The following KLHL25 variants were observed in gnomAD, a reference collection of about 807,000 sequenced individuals.
The protein encoded by KLHL25 is kelch like family member 25.
KLHL25 carries 41 observed loss-of-function variants against 30.0 expected under a neutral mutation model. The observed-to-expected ratio is 1.37, with a 90% CI of 1.07 to 1.78. KLHL25 has a LOEUF of 1.78. Ranked by LOEUF, KLHL25 falls within the 40% of genes most tolerant of loss-of-function variation. The pLI is 0.00. For synonymous variants in KLHL25, 399 were observed against 355.3 expected (o/e 1.12, Z -1.38); for missense variants, 971 against 824.5 (o/e 1.18, Z -2.18).
chr15:85,769,447 CCAG>C lies in KLHL25; in HGVS notation c.361_363del (p.Leu121del). ...TGGAACTGCAGCATGTCGCCTGCCT[CCAG>C]CAGTGACTCAGCGTTCTCCTCGTTG... On this transcript the variant is annotated inframe_deletion, in exon 2 of 3. Transcript: ENST00000337975. The C allele has an allele frequency of 1.2e-6, 2 of 1,614,118 alleles. No individual in the cohort carries two copies. The highest frequency in any genetic ancestry group is 1.7e-6 in the Non-Finnish European group (2 of 1,180,018).
intron 1 of KLHL25, among the ~76,000 whole-genome samples, chr15:85,783,838 A>G (rs1413798659): frequency 1.3e-5 from 2 of 152,224 alleles, no homozygotes; most frequent in Non-Finnish European, 2.9e-5. Context: ...AGATGCTAAG[A>G]GTCCCTGGTT....
At position 85,768,492 on chromosome 15, in the gene KLHL25, A is replaced by G. The variant is rs751933815; in HGVS notation, c.1319T>C (p.Val440Ala). 1 of 1,613,494 alleles carries G rather than the reference A, an allele frequency of 6.2e-7. No homozygotes were observed. The highest frequency in any genetic ancestry group is 8.5e-7 in the Non-Finnish European group (1 of 1,179,946). The change falls in exon 2 of 3, where the codon GTG becomes GCG. Residue 440 changes from valine to alanine, a missense_variant. Physicochemically the swap from Val to Ala is moderately conservative, Grantham distance 64. Coordinates refer to ENST00000337975, the MANE Select transcript of KLHL25 (RefSeq NM_022480.4). ...AACAAAGAGCTTCAGCTTGGCACTC[A>G]CCACTGCGGCATTGCTGACGCCATC... ...LRDGVSNAAV[V>A]SAKLKLFVFG...
chr15:85,784,891 G>A (rs1490411866), intron 1 of KLHL25, among the ~76,000 whole-genome samples: 2 of 152,136 alleles, frequency 1.3e-5, no homozygotes, highest in Admixed American at 1.3e-4. Flanking sequence ...AATAGGAACT[G>A]ATTAAGCCAC....
intron 1 of KLHL25, among the ~76,000 whole-genome samples, chr15:85,778,797 T>C (rs73456397): frequency 0.041 from 6,264 of 152,268 alleles, 413 homozygotes; most frequent in African/African-American, 0.14. Context: ...CCTCTCCGTC[T>C]ACCCCTTAAG....
rs1468598783 is a variant in KLHL25, at chr15:85,768,787, C to A, written c.1024G>T (p.Val342Phe). Reference sequence around the variant, plus strand: ...GAGCCCCTGCCCCCCGTCACATAGACCTTGCAGCCGATCGCTGAGGCGCTG... The same window carrying A: ...GAGCCCCTGCCCCCCGTCACATAGAACTTGCAGCCGATCGCTGAGGCGCTG... Reference protein sequence around the residue: ...EFSASAIGCKVYVTGGRGSEN... With the variant: ...EFSASAIGCKFYVTGGRGSEN... Residue 342 changes from valine (V) to phenylalanine (F), a missense_variant, in exon 2 of 3, where the codon GTC becomes TTC. Val to Phe is a conservative substitution (Grantham distance 50). Transcript: ENST00000337975. 1.2e-6 allele frequency: 2 copies of A among 1,613,248 alleles called. No homozygotes were observed. Among genetic ancestry groups the A allele is most frequent in the East Asian group, 2.2e-5 (1 of 44,880 alleles).
intron 1 of KLHL25, among the ~76,000 whole-genome samples, chr15:85,788,975 T>C (rs986855790): frequency 1.3e-5 from 2 of 152,156 alleles, no homozygotes; most frequent in African/African-American, 2.4e-5. Flanking sequence ...CTCAGACAAA[T>C]TGGCCTGGCC....
At chr15:85,788,521 GA>G (rs1475759947) in intron 1 of KLHL25, among the ~76,000 whole-genome samples, 2 of 152,008 alleles carry the variant, frequency 1.3e-5, no homozygotes, top group Admixed American at 6.6e-5. Flanking sequence ...ACAGATGGGG[GA>G]AAAAAATTCC....
intron 2 of KLHL25, chr15:85,761,261 A>C (rs370605139): frequency 1.2e-4 from 19 of 152,330 alleles, no homozygotes; most frequent in African/African-American, 3.8e-4. Flanking sequence ...GGGACACATT[A>C]CGTATTCTCA....
chr15:85,793,727 T>C (rs372058820), intron 1 of KLHL25, among the ~76,000 whole-genome samples: 2 of 152,248 alleles, frequency 1.3e-5, no homozygotes, highest in East Asian at 1.9e-4. Flanking sequence ...ATTGGGCCGA[T>C]AGAGTGGAAC....
At chr15:85,779,198 C>A (rs1052519567) in intron 1 of KLHL25, among the ~76,000 whole-genome samples, 1 of 152,122 alleles carries the variant, frequency 6.6e-6, no homozygotes, top group Non-Finnish European at 1.5e-5. Context: ...CCTTTCTGCC[C>A]AGCGTCCTGT....
At chr15:85,766,723 C>T (rs2089628374) in intron 2 of KLHL25, among the ~76,000 whole-genome samples, 1 of 152,242 alleles carries the variant, frequency 6.6e-6, no homozygotes, top group Non-Finnish European at 1.5e-5. Context: ...CACACAATGA[C>T]AGTGTGGCAG....
At chr15:85,772,042 A>G (rs535684905) in intron 1 of KLHL25, among the ~76,000 whole-genome samples, 1 of 152,276 alleles carries the variant, frequency 6.6e-6, no homozygotes, top group African/African-American at 2.4e-5. Context: ...TGTGATTGCT[A>G]AACTCTCACT....
chr15:85,788,915 G>A (rs540620374), intron 1 of KLHL25, among the ~76,000 whole-genome samples: 9 of 152,274 alleles, frequency 5.9e-5, no homozygotes, highest in South Asian at 2.1e-4. Context: ...GGATGGAATC[G>A]CCATGGTTTT....
chr15:85,766,978 T>C (rs577724398), intron 2 of KLHL25, among the ~76,000 whole-genome samples: 17 of 150,290 alleles, frequency 1.1e-4, no homozygotes, highest in Non-Finnish European at 2.2e-4. Context: ...ATGGATGTCA[T>C]GCCTGGTTGG....
At chr15:85,780,920 C>T (rs1464938663) in intron 1 of KLHL25, among the ~76,000 whole-genome samples, 1 of 152,206 alleles carries the variant, frequency 6.6e-6, no homozygotes, top group Non-Finnish European at 1.5e-5. Flanking sequence ...AATGGTTACA[C>T]ACCGCAGCAT....
Position 85,794,919 on chromosome 15 carries a change from A to G in KLHL25, c.-164T>C, listed in dbSNP as rs1003300908. 3 of 152,396 alleles carry G rather than the reference A, an allele frequency of 2.0e-5. No homozygotes were observed. Among genetic ancestry groups the G allele is most frequent in the African/African-American group, 4.8e-5 (2 of 41,426 alleles). The allele number at this position is 152,396 out of a possible 1,614,324, so 9.4% of individuals were successfully genotyped here. On this transcript the variant is annotated 5_prime_UTR_variant, in exon 1 of 3. Coordinates refer to ENST00000337975, the MANE Select transcript of KLHL25 (RefSeq NM_022480.4). ...ACAGCCTAGGCGCCGCCAACAAACT[A>G]GTTTCTCCGGCCTTCCCGCCCCGCC... is the stretch of plus-strand genomic sequence containing the variant.
intron 1 of KLHL25, among the ~76,000 whole-genome samples, chr15:85,790,733 G>A (rs940569675): frequency 1.3e-5 from 2 of 152,054 alleles, no homozygotes; most frequent in Non-Finnish European, 2.9e-5. Flanking sequence ...CCTTGGTCAC[G>A]CTGAAACAAG....
chr15:85,772,991 CCT>C (rs1275643175), intron 1 of KLHL25, among the ~76,000 whole-genome samples: 1 of 152,260 alleles, frequency 6.6e-6, no homozygotes, highest in African/African-American at 2.4e-5. Context: ...AGCGCCTGCC[CCT>C]GAGCCAATCT....
intron 1 of KLHL25, among the ~76,000 whole-genome samples, chr15:85,783,262 A>AT (rs34709213): frequency 0.17 from 25,125 of 145,998 alleles, 2,695 homozygotes; most frequent in Middle Eastern, 0.3. Flanking sequence ...TAATTTTTGT[A>AT]TTTTTTTTTT....
Sources: gnomAD v4.1 joint callset for allele counts (sites outside exome capture counted in the v4.1 genomes callset) on GRCh38, gnomAD v4.1.1 for gene constraint, MANE v1.5 for transcripts, NCBI Gene and HGNC (gene_info 2026-07-23, HGNC 2026-07-21) for gene names.